GCFC2: variants seen among roughly 807,000 people sequenced by gnomAD.
The protein encoded by GCFC2 is GC-rich sequence DNA-binding factor 2.
GCFC2 carries 102 observed loss-of-function variants against 99.4 expected under a neutral mutation model. The observed-to-expected ratio is 1.03, with a 90% CI of 0.87 to 1.21. The LOEUF (loss-of-function observed/expected upper bound fraction) is 1.21, where lower values mean the gene tolerates loss of function less well. GCFC2 is among the 50% of genes most tolerant of loss of function. The pLI is 0.00. For synonymous variants in GCFC2, 338 were observed against 316.8 expected, an observed-to-expected ratio of 1.07 and a Z score of -0.71; for missense variants, 973 against 920.9, an observed-to-expected ratio of 1.06 and a Z score of -0.73.
intron 5 of GCFC2, among the ~76,000 whole-genome samples, chr2:75,695,028 C>A (rs1411395410): frequency 6.6e-6 from 1 of 151,802 alleles, no homozygotes; most frequent in African/African-American, 2.4e-5. Flanking sequence ...AAATAAAAAA[C>A]CTAGTTAATA....
chr2:75,691,478 T>C (rs892268915), intron 7 of GCFC2, among the ~76,000 whole-genome samples: 1 of 152,198 alleles, frequency 6.6e-6, no homozygotes, highest in African/African-American at 2.4e-5. Context: ...ACTTTGCCTT[T>C]GCATTTACTA....
chr2:75,684,236 A>G (rs1679715089), intron 11 of GCFC2, among the ~76,000 whole-genome samples: 1 of 152,112 alleles, frequency 6.6e-6, no homozygotes, highest in Admixed American at 6.5e-5. Flanking sequence ...GAAGTAAAAC[A>G]CTCCTCAGCA....
At position 75,675,465 on chromosome 2, in the gene GCFC2, G is replaced by A. The variant is rs547344334; in HGVS notation, c.1813-1945C>T. Among the ~76,000 whole-genome samples, 11 of 152,112 alleles carry A rather than the reference G, an allele frequency of 7.2e-5. 1 individual carries two copies. The South Asian group carries it at 1.9e-3, about 26-fold the overall frequency. ...AAAACAAAACATAAATTCACTGGCC[G>A]GTTGCCGTGGCTCATGCCTGTAATC... On this transcript the variant is annotated intron_variant, in intron 12 of 16. Coordinates refer to ENST00000321027, the MANE Select transcript of GCFC2 (RefSeq NM_003203.5).
At chr2:75,665,610 T>C (rs529108854) in intron 16 of GCFC2, among the ~76,000 whole-genome samples, 47 of 152,304 alleles carry the variant, frequency 3.1e-4, no homozygotes, top group African/African-American at 1.1e-3. Flanking sequence ...TTAACAACTG[T>C]TGAGTCTCTA....
At chr2:75,681,464 C>A (rs575999015) in intron 11 of GCFC2, among the ~76,000 whole-genome samples, 3 of 152,032 alleles carry the variant, frequency 2.0e-5, no homozygotes, top group Non-Finnish European at 4.4e-5. Flanking sequence ...CAGTGCCTAC[C>A]CCACCAGGGC....
intron 11 of GCFC2, among the ~76,000 whole-genome samples, chr2:75,684,835 A>T: frequency 6.6e-6 from 1 of 152,240 alleles, no homozygotes; most frequent in Non-Finnish European, 1.5e-5. Context: ...GACTGGATTA[A>T]GAAAATGTGG....
chr2:75,712,840 G>A (rs758113295), upstream of GCFC2, among the ~76,000 whole-genome samples: 3 of 152,172 alleles, frequency 2.0e-5, no homozygotes, highest in Non-Finnish European at 4.4e-5. Context: ...CTTCATTCTT[G>A]AAATCAGTGA....
Position 75,702,335 on chromosome 2 carries a change from T to C in GCFC2, c.483A>G (p.Val161=), listed in dbSNP as rs944077776. ...RAQDDYISLD[V]QHTSSISGMK... ...TACCAGAGATGGAGGAGGTATGTTG[T>C]ACATCCAAAGAAATATAGTCATCTT... The change falls in exon 3 of 17, where the codon GTA becomes GTG. Residue 161 remains valine (V), a synonymous_variant. Coordinates refer to ENST00000321027, the MANE Select transcript of GCFC2 (RefSeq NM_003203.5). 2.5e-6 allele frequency: 4 copies of C among 1,612,970 alleles called. No individual in the cohort carries two copies. Among genetic ancestry groups the C allele is most frequent in the Admixed American group, 1.7e-5 (1 of 59,998 alleles).
chr2:75,711,015 G>A (rs1681161840), upstream of GCFC2: 1 of 1,336,824 alleles, frequency 7.5e-7, no homozygotes, highest in Non-Finnish European at 9.5e-7. Flanking sequence ...GCGCCTGCGT[G>A]CTTTGGCTCC....
chr2:75,697,611 C>T (rs1680387430), intron 4 of GCFC2: 1 of 152,184 alleles, frequency 6.6e-6, no homozygotes, highest in African/African-American at 2.4e-5. Flanking sequence ...GGTTGTACAT[C>T]ATTGTAACTG....
At chr2:75,669,712 T>C (rs1010357219) in intron 15 of GCFC2, among the ~76,000 whole-genome samples, 4 of 152,140 alleles carry the variant, frequency 2.6e-5, no homozygotes, top group African/African-American at 9.7e-5. Context: ...GGCTCTGCAT[T>C]TTAGCTTTGT....
intron 4 of GCFC2, among the ~76,000 whole-genome samples, chr2:75,699,444 A>C (rs1171016869): frequency 1.3e-5 from 2 of 152,216 alleles, no homozygotes; most frequent in Non-Finnish European, 2.9e-5. Context: ...TATGATTGCA[A>C]TTCTTGACCT....
intron 16 of GCFC2, among the ~76,000 whole-genome samples, chr2:75,665,293 G>A (rs1040674995): frequency 6.6e-6 from 1 of 152,034 alleles, no homozygotes; most frequent in African/African-American, 2.4e-5. Flanking sequence ...CTGGGACTCA[G>A]GCGCATGCCA....
rs555271622 is a variant in GCFC2 at position 75,686,757 on chromosome 2, CA to C, written c.1690+1069del. ...AGACCCTGTCTCAAAAACAAACACA[CA>C]AAAAATTAAATAAGAGTTTTGCAGT... On this transcript the variant is annotated intron_variant, in intron 11 of 16. Transcript: ENST00000321027. Among the ~76,000 whole-genome samples the C allele has an allele frequency of 5.2e-3, 796 of 152,172 alleles. 5 individuals carry two copies. The highest frequency in any genetic ancestry group is 0.015 in the South Asian group (73 of 4,824).
chr2:75,690,486 G>A (rs2301978), intron 8 of GCFC2, 152 bp downstream of exon 8: 253,479 of 589,470 alleles, frequency 0.43, 57,718 homozygotes, highest in African/African-American at 0.73. Context: ...GCAGTCAAGG[G>A]TGGTTTTACT....
intron 11 of GCFC2, among the ~76,000 whole-genome samples, chr2:75,686,593 A>C (rs971978124): frequency 2.6e-5 from 4 of 152,114 alleles, no homozygotes; most frequent in African/African-American, 9.7e-5. Flanking sequence ...ATCTTTTAAA[A>C]ATTAGCTGGG....
At position 75,691,996 on chromosome 2, in the gene GCFC2, C is replaced by T. The variant is rs149360434; in HGVS notation, c.1125G>A (p.Thr375=). ...RRQDELKHES[T]YLQQLSRKDE... Reference sequence around the variant, plus strand: ...ACTAACGTGATAACTGTTGTAAATACGTTGATTCATGTTTTAATTCATCTT... The same window carrying T: ...ACTAACGTGATAACTGTTGTAAATATGTTGATTCATGTTTTAATTCATCTT... Residue 375 remains threonine (T), a synonymous_variant, in exon 7 of 17, where the codon ACG becomes ACA. Transcript: ENST00000321027. 4.5e-4 allele frequency: 688 copies of T among 1,539,770 alleles called. 4 individuals are homozygous for T. The African/African-American group carries it at 7.9e-3, about 18-fold the overall frequency.
chr2:75,676,479 T>A (rs1410394376), intron 12 of GCFC2, among the ~76,000 whole-genome samples: 4 of 150,414 alleles, frequency 2.7e-5, no homozygotes, highest in Non-Finnish European at 1.5e-5. Flanking sequence ...TTTTTTTTTT[T>A]ACATCTTCTC....
At chr2:75,674,562 G>A (rs80039725) in intron 12 of GCFC2, among the ~76,000 whole-genome samples, 3,921 of 151,904 alleles carry the variant, frequency 0.026, 75 homozygotes, top group Non-Finnish European at 0.04. Context: ...TAGGATGAAA[G>A]ACAATGAGTG....
Sources: gnomAD v4.1 joint callset for allele counts (sites outside exome capture counted in the v4.1 genomes callset) on GRCh38, gnomAD v4.1.1 for gene constraint, MANE v1.5 for transcripts, NCBI Gene and HGNC (gene_info 2026-07-23, HGNC 2026-07-21) for gene names.